Variants in SLIT3 observed in about 807,000 individuals in gnomAD.
The protein encoded by SLIT3 is slit homolog 3 protein.
A neutral mutation model predicts 184.0 loss-of-function variants in SLIT3; 68 were observed. The observed-to-expected ratio is 0.37, with a 90% CI of 0.30 to 0.45. SLIT3 has a LOEUF of 0.45. SLIT3 is among the 20% of genes least tolerant of loss of function. The pLI, the probability that SLIT3 is intolerant of heterozygous loss-of-function variation, is 1.00. For synonymous variants in SLIT3, 831 were observed against 828.6 expected (o/e 1.00, Z -0.05); for missense variants, 1,707 against 2,026.0 (o/e 0.84, Z 3.02).
intron 1 of SLIT3, among the ~76,000 whole-genome samples, chr5:169,274,233 A>G (rs1485261353): frequency 6.6e-6 from 1 of 152,172 alleles, no homozygotes; most frequent in Non-Finnish European, 1.5e-5. Flanking sequence ...ACTAGTCTAG[A>G]AGACCGATTT....
chr5:169,169,201 G>A (rs1399937730), intron 4 of SLIT3, among the ~76,000 whole-genome samples: 2 of 152,154 alleles, frequency 1.3e-5, no homozygotes, highest in African/African-American at 4.8e-5. Context: ...TCCCTGTCCT[G>A]GGTCCACGGC....
chr5:169,182,293 T>C (rs1343630749), intron 4 of SLIT3, among the ~76,000 whole-genome samples: 2 of 152,236 alleles, frequency 1.3e-5, no homozygotes, highest in African/African-American at 4.8e-5. Flanking sequence ...GAGCATGAAA[T>C]TGACTTAAAC....
chr5:169,009,000 G>A (rs977915400), intron 4 of SLIT3, among the ~76,000 whole-genome samples: 1 of 152,106 alleles, frequency 6.6e-6, no homozygotes, highest in Admixed American at 6.5e-5. Context: ...TTTGTGTGAG[G>A]TCACACAGCT....
chr5:168,774,527 C>T lies in SLIT3; in HGVS notation c.1152-149G>A, dbSNP rs914945802. Reference sequence around the variant, plus strand: ...GCTGCAGAACAGAAAAAGAGAGAGACCTGCCTTCCTGTGTCTACCGAAACC... The same window carrying T: ...GCTGCAGAACAGAAAAAGAGAGAGATCTGCCTTCCTGTGTCTACCGAAACC... On this transcript the variant is annotated intron_variant, in intron 12 of 35. Coordinates refer to ENST00000519560, the MANE Select transcript of SLIT3 (RefSeq NM_003062.4). The T allele has an allele frequency of 3.1e-5, 26 of 835,874 alleles. No homozygotes were observed. In the African/African-American group the frequency reaches 4.4e-4, roughly 14 times the overall value. The allele number at this position is 835,874 out of a possible 1,614,324, so 51.8% of individuals were successfully genotyped here. A position where few individuals can be genotyped will look rare whatever the true frequency, so the allele number is the denominator to read the frequency against.
At chr5:168,737,879 A>G (rs757040096) in intron 20 of SLIT3, among the ~76,000 whole-genome samples, 1 of 152,228 alleles carries the variant, frequency 6.6e-6, no homozygotes, top group Non-Finnish European at 1.5e-5. Flanking sequence ...TTAAAAGGAC[A>G]GTTGCATGGC....
chr5:169,197,655 A>G (rs571431161), intron 3 of SLIT3, among the ~76,000 whole-genome samples: 5 of 152,348 alleles, frequency 3.3e-5, no homozygotes, highest in Admixed American at 1.3e-4. Flanking sequence ...AATGGAGAAC[A>G]GGACTGAATG....
intron 4 of SLIT3, among the ~76,000 whole-genome samples, chr5:168,962,192 G>GTGGC (rs1020792258): frequency 1.3e-5 from 2 of 152,110 alleles, no homozygotes; most frequent in African/African-American, 4.8e-5. Context: ...CATCTCCCAA[G>GTGGC]TGGCTGGTCA....
intron 4 of SLIT3, among the ~76,000 whole-genome samples, chr5:169,016,300 T>C (rs1264115429): frequency 1.3e-5 from 2 of 152,078 alleles, no homozygotes; most frequent in Non-Finnish European, 2.9e-5. Flanking sequence ...ACCAAGACAC[T>C]TGGTCTAATA....
In SLIT3 at chr5:169,284,439, A is replaced by G. The variant is rs113704156; in HGVS notation, c.197+16074T>C. ...AGCCATTGTGAGTTATTAGCATTGCATGAGTCATTGTTCAGTGCATAAATT... is the reference window on the plus strand; with the variant it reads ...AGCCATTGTGAGTTATTAGCATTGCGTGAGTCATTGTTCAGTGCATAAATT... On this transcript the variant is annotated intron_variant, in intron 1 of 35. Coordinates refer to ENST00000519560, the MANE Select transcript of SLIT3 (RefSeq NM_003062.4). Among the ~76,000 whole-genome samples the G allele has an allele frequency of 7.4e-3, 1,123 of 152,348 alleles. 12 individuals are homozygous for G. Among genetic ancestry groups the G allele is most frequent in the African/African-American group, 0.026 (1,078 of 41,576 alleles).
chr5:168,966,015 A>G (rs1180972057), intron 4 of SLIT3, among the ~76,000 whole-genome samples: 3 of 152,248 alleles, frequency 2.0e-5, no homozygotes, highest in Non-Finnish European at 4.4e-5. Flanking sequence ...GCCAAAGCTT[A>G]GGCAGTCATA....
intron 3 of SLIT3, among the ~76,000 whole-genome samples, chr5:169,205,073 T>C (rs1326379374): frequency 6.6e-6 from 1 of 152,076 alleles, no homozygotes; most frequent in African/African-American, 2.4e-5. Context: ...AGAGCAATTA[T>C]GAAAATGAGC....
intron 4 of SLIT3, among the ~76,000 whole-genome samples, chr5:169,170,976 A>C (rs911247899): frequency 1.3e-5 from 2 of 152,238 alleles, no homozygotes; most frequent in African/African-American, 4.8e-5. Context: ...TTGGGGAAGA[A>C]AAGGCAGAAA....
intron 4 of SLIT3, among the ~76,000 whole-genome samples, chr5:169,176,967 T>C (rs979059012): frequency 1.3e-5 from 2 of 152,150 alleles, no homozygotes; most frequent in Admixed American, 1.3e-4. Context: ...CCCTCTGCCT[T>C]TGAGAACTGG....
chr5:168,900,471 T>A (rs980417857), intron 4 of SLIT3, among the ~76,000 whole-genome samples: 1 of 151,986 alleles, frequency 6.6e-6, no homozygotes, highest in African/African-American at 2.4e-5. Context: ...AAAACTTAGC[T>A]GGGTATAGTG....
Position 168,901,292 on chromosome 5 carries a change from G to A in SLIT3, c.414-17956C>T, listed in dbSNP as rs183892131. 2.1e-3 allele frequency among the ~76,000 whole-genome samples: 327 copies of A among 152,174 alleles called. 3 individuals carry two copies. The highest frequency in any genetic ancestry group is 7.5e-3 in the African/African-American group (312 of 41,516). ...GGCGGGAGAATGACGTGAACCTGGG[G>A]GGCGGAGCTTGCAGTGAGCTGAGAT... On this transcript the variant is annotated intron_variant, in intron 4 of 35. Transcript: ENST00000519560.
intron 31 of SLIT3, among the ~76,000 whole-genome samples, chr5:168,684,833 A>T (rs752281488): frequency 9.9e-5 from 15 of 152,192 alleles, no homozygotes; most frequent in Non-Finnish European, 1.8e-4. Flanking sequence ...GGAACCAGGC[A>T]CTATGCTAAG....
intron 4 of SLIT3, among the ~76,000 whole-genome samples, chr5:169,176,764 T>C (rs1763000172): frequency 6.6e-6 from 1 of 152,216 alleles, no homozygotes; most frequent in South Asian, 2.1e-4. Context: ...AAACTTTATT[T>C]ACAATAGCAG....
chr5:169,091,079 C>A (rs976126635), intron 4 of SLIT3, among the ~76,000 whole-genome samples: 1 of 152,120 alleles, frequency 6.6e-6, no homozygotes, highest in East Asian at 1.9e-4. Flanking sequence ...GGAGAGAGAG[C>A]GCCCTAGTTC....
intron 4 of SLIT3, among the ~76,000 whole-genome samples, chr5:168,898,048 G>A (rs952426775): frequency 6.6e-6 from 1 of 152,114 alleles, no homozygotes; most frequent in African/African-American, 2.4e-5. Flanking sequence ...GAAAACTTGT[G>A]GTTTCAAACT....
Sources: gnomAD v4.1 joint callset for allele counts (sites outside exome capture counted in the v4.1 genomes callset) on GRCh38, gnomAD v4.1.1 for gene constraint, MANE v1.5 for transcripts, NCBI Gene and HGNC (gene_info 2026-07-23, HGNC 2026-07-21) for gene names.